Variants in PCDH15 observed in about 807,000 individuals in gnomAD.
PCDH15 encodes protocadherin-15.
A neutral mutation model predicts 178.5 loss-of-function variants in PCDH15; 129 were observed. The ratio of observed to expected loss-of-function variants is 0.72; its 90% CI spans 0.63 to 0.84. The LOEUF (loss-of-function observed/expected upper bound fraction) is 0.84, where lower values mean the gene tolerates loss of function less well. Ranked by LOEUF, PCDH15 falls within the 40% of genes least tolerant of loss-of-function variation. PCDH15 has a pLI of 0.00. For missense variants in PCDH15, 2,230 were observed against 2,099.9 expected, an observed-to-expected ratio of 1.06 and a Z score of -1.21; for synonymous variants, 800 against 732.0, an observed-to-expected ratio of 1.09 and a Z score of -1.50.
chr10:55,240,056 G>A (rs1376380899), intron 1 of PCDH15, among the ~76,000 whole-genome samples: 1 of 152,082 alleles, frequency 6.6e-6, no homozygotes, highest in African/African-American at 2.4e-5. Context: ...TGGAGGAAGC[G>A]GAACCCTTGT....
intron 15 of PCDH15, among the ~76,000 whole-genome samples, chr10:54,091,259 A>G (rs73237654): frequency 0.089 from 13,590 of 152,214 alleles, 1,186 homozygotes; most frequent in African/African-American, 0.23. Flanking sequence ...TATATCTGAT[A>G]AAGGTTCAGA....
chr10:55,042,793 T>C (rs1054868808), intron 2 of PCDH15, among the ~76,000 whole-genome samples: 8 of 152,306 alleles, frequency 5.3e-5, no homozygotes, highest in South Asian at 2.1e-4. Flanking sequence ...TTTGACATAA[T>C]TGTACAAACC....
intron 2 of PCDH15, among the ~76,000 whole-genome samples, chr10:55,468,073 T>A (rs2132103614): frequency 6.7e-6 from 1 of 149,654 alleles, no homozygotes; most frequent in South Asian, 2.2e-4. Context: ...CCTCAAAGAA[T>A]AAATGTGGAT....
At chr10:55,233,840 C>T (rs1361795244) in intron 1 of PCDH15, among the ~76,000 whole-genome samples, 1 of 152,000 alleles carries the variant, frequency 6.6e-6, no homozygotes, top group Non-Finnish European at 1.5e-5. Flanking sequence ...CTTTGTTTCT[C>T]AACCATTAAT....
At chr10:53,830,422 A>G (rs61858291) in intron 30 of PCDH15, among the ~76,000 whole-genome samples, 57,948 of 151,760 alleles carry the variant, frequency 0.38, 11,690 homozygotes, top group East Asian at 0.75. Context: ...ACATAAAGTA[A>G]TTTACATGAT....
At chr10:53,944,867 G>A (rs1479698854) in intron 23 of PCDH15, among the ~76,000 whole-genome samples, 2 of 152,164 alleles carry the variant, frequency 1.3e-5, no homozygotes, top group African/African-American at 4.8e-5. Context: ...CTTCCTCAAA[G>A]GCCCTTTCAC....
chr10:55,246,856 ATAT>A (rs1271554177), intron 1 of PCDH15, among the ~76,000 whole-genome samples: 4 of 152,174 alleles, frequency 2.6e-5, no homozygotes, highest in Non-Finnish European at 5.9e-5. Context: ...TCCTTGTTAT[ATAT>A]TAAACTGCAG....
Position 54,979,805 on chromosome 10 carries a change from C to T in PCDH15, c.-79-82305G>A, listed in dbSNP as rs1006391245. Among the ~76,000 whole-genome samples, 3 of 104,662 alleles carry T rather than the reference C, an allele frequency of 2.9e-5. No homozygotes were observed. The South Asian group carries it at 1.0e-3, about 36-fold the overall frequency. 68.7% of individuals were successfully genotyped at this position (104,662 alleles called of 152,430 possible). A position where few individuals can be genotyped will look rare whatever the true frequency, so the allele number is the denominator to read the frequency against. ...TCTTTTATGGCTAAATATTATTTGG[C>T]CATATTCTACGTGTAACATACAATA... On this transcript the variant is annotated intron_variant, in intron 2 of 5. Transcript: ENST00000458638.
chr10:53,969,228 C>T (rs977165125), intron 21 of PCDH15, among the ~76,000 whole-genome samples: 16 of 152,012 alleles, frequency 1.1e-4, no homozygotes, highest in African/African-American at 3.1e-4. Flanking sequence ...CTTCAGTAGC[C>T]GATTTGATCA....
At chr10:54,762,081 C>T (rs1243390189) in intron 1 of PCDH15, among the ~76,000 whole-genome samples, 1 of 152,108 alleles carries the variant, frequency 6.6e-6, no homozygotes, top group Non-Finnish European at 1.5e-5. Context: ...CAGATATACT[C>T]TCCAACTAAT....
chr10:54,874,223 T>C (rs1300021335), intron 3 of PCDH15, among the ~76,000 whole-genome samples: 108 of 129,072 alleles, frequency 8.4e-4, no homozygotes, highest in African/African-American at 2.1e-3. Context: ...ATATGCGGTG[T>C]TTGGTTTTTT....
chr10:53,835,755 AAAAACAAAAC>A (rs1182893234), intron 29 of PCDH15, among the ~76,000 whole-genome samples: 1 of 152,204 alleles, frequency 6.6e-6, no homozygotes, highest in Non-Finnish European at 1.5e-5. Flanking sequence ...TGTCTCTACA[AAAAACAAAAC>A]AAAACAAAAC....
At chr10:54,244,184 A>G (rs1304872515) in intron 8 of PCDH15, among the ~76,000 whole-genome samples, 1 of 152,172 alleles carries the variant, frequency 6.6e-6, no homozygotes, top group African/African-American at 2.4e-5. Context: ...CATACTCTTT[A>G]TTCTACCAAG....
At chr10:54,794,576 G>A (rs1951775611) in intron 1 of PCDH15, among the ~76,000 whole-genome samples, 1 of 151,794 alleles carries the variant, frequency 6.6e-6, no homozygotes, top group Non-Finnish European at 1.5e-5. Context: ...CAGATGGAAT[G>A]TAAGGTTAAC....
chr10:54,357,805 C>A (rs1266532123), intron 5 of PCDH15, among the ~76,000 whole-genome samples: 1 of 151,934 alleles, frequency 6.6e-6, no homozygotes, highest in Non-Finnish European at 1.5e-5. Flanking sequence ...GGTACTGGTA[C>A]CAAAACAGAG....
intron 1 of PCDH15, among the ~76,000 whole-genome samples, chr10:55,284,744 T>C (rs373916315): frequency 3.3e-5 from 5 of 152,008 alleles, no homozygotes; most frequent in African/African-American, 7.2e-5. Flanking sequence ...TCACGTCACA[T>C]GTAAATTAAC....
At chr10:54,035,565 G>A (rs531469774) in intron 18 of PCDH15, among the ~76,000 whole-genome samples, 2 of 151,988 alleles carry the variant, frequency 1.3e-5, no homozygotes, top group East Asian at 3.9e-4. Context: ...GGTCCAAGAT[G>A]AGATGGTGTA....
chr10:54,864,254 T>TG (rs1953896880), intron 3 of PCDH15, among the ~76,000 whole-genome samples: 1 of 152,052 alleles, frequency 6.6e-6, no homozygotes, highest in Admixed American at 6.6e-5. Flanking sequence ...CAGATATAGG[T>TG]GACAGCAAAG....
intron 15 of PCDH15, among the ~76,000 whole-genome samples, chr10:54,114,850 T>A (rs1310396412): frequency 6.6e-6 from 1 of 151,712 alleles, no homozygotes; most frequent in Non-Finnish European, 1.5e-5. Flanking sequence ...AAGGCTAGAG[T>A]GGAATCAGTG....
Sources: gnomAD v4.1 joint callset for allele counts (sites outside exome capture counted in the v4.1 genomes callset) on GRCh38, gnomAD v4.1.1 for gene constraint, MANE v1.5 for transcripts, NCBI Gene and HGNC (gene_info 2026-07-23, HGNC 2026-07-21) for gene names.